UGT1A6: variants seen among roughly 807,000 people sequenced by gnomAD.
UGT1A6 encodes the protein UDP-glucuronosyltransferase 1A6.
UGT1A6 carries 32 observed loss-of-function variants against 44.4 expected under a neutral mutation model. That is an observed-to-expected ratio of 0.72 (90% confidence interval 0.54 to 0.97). UGT1A6 has a LOEUF of 0.97. UGT1A6 is among the 50% of genes least tolerant of loss of function. UGT1A6 has a pLI of 0.00. For synonymous variants in UGT1A6, 238 were observed against 248.5 expected, an observed-to-expected ratio of 0.96 and a Z score of 0.40; for missense variants, 685 against 661.9, an observed-to-expected ratio of 1.03 and a Z score of -0.38.
intron 1 of UGT1A6, chr2:233,747,763 G>A (rs181313522): frequency 8.1e-6 from 13 of 1,613,376 alleles, no homozygotes; most frequent in East Asian, 6.7e-5. Flanking sequence ...GACTTTAAGG[G>A]CACACAGTGT....
chr2:233,715,254 A>G (rs547164013), intron 1 of UGT1A6, among the ~76,000 whole-genome samples: 219 of 152,274 alleles, frequency 1.4e-3, no homozygotes, highest in African/African-American at 5.0e-3. Context: ...CTTTTAAAAA[A>G]TCCCCTTACA....
chr2:233,727,191 G>A (rs764445830), intron 1 of UGT1A6, among the ~76,000 whole-genome samples: 4 of 152,118 alleles, frequency 2.6e-5, no homozygotes, highest in Non-Finnish European at 4.4e-5. Context: ...CTTTGCTGGG[G>A]TGACCTCACT....
intron 1 of UGT1A6, among the ~76,000 whole-genome samples, chr2:233,734,862 C>T (rs1280168224): frequency 6.6e-6 from 1 of 152,224 alleles, no homozygotes; most frequent in Admixed American, 6.5e-5. Flanking sequence ...AATTTGACTG[C>T]ACTATGGTCT....
chr2:233,729,597 C>T (rs375083511), intron 1 of UGT1A6: 44 of 1,613,906 alleles, frequency 2.7e-5, no homozygotes, highest in East Asian at 1.8e-4. Context: ...TTAACCTCTG[C>T]GCGGCAGTGC....
At chr2:233,748,027 A>C in intron 1 of UGT1A6, 1 of 1,613,516 alleles carries the variant, frequency 6.2e-7, no homozygotes, top group Non-Finnish European at 8.5e-7. Flanking sequence ...ATCATGCCCA[A>C]CATGGTCTTC....
At chr2:233,759,132 G>T (rs532304308) in intron 1 of UGT1A6, among the ~76,000 whole-genome samples, 5 of 152,204 alleles carry the variant, frequency 3.3e-5, no homozygotes, top group African/African-American at 9.7e-5. Context: ...CCTCTGGTAC[G>T]CAATGAAGGT....
intron 1 of UGT1A6, chr2:233,748,039 T>C (rs999910080): frequency 2.4e-4 from 393 of 1,613,376 alleles, no homozygotes; most frequent in South Asian, 8.0e-4. Context: ...ATGGTCTTCA[T>C]TGGGGGCATC....
intron 1 of UGT1A6, chr2:233,747,681 T>G (rs1693750357): frequency 1.2e-6 from 2 of 1,608,352 alleles, no homozygotes; most frequent in Admixed American, 1.7e-5. Flanking sequence ...AATTTACCTC[T>G]GTGGGGCAGT....
At position 233,730,729 on chromosome 2, in the gene UGT1A6, C is replaced by T. The variant is rs45468195; in HGVS notation, c.862-36305C>T. ...GAATGCTGAAATTATCAAGAAATGG[C>T]GGAAGGGGCTAGGGAGGAGATAAGA... On this transcript the variant is annotated intron_variant, in intron 1 of 4. Transcript: ENST00000305139. Among the ~76,000 whole-genome samples the T allele has an allele frequency of 9.2e-3, 1,399 of 152,090 alleles. 32 individuals carry two copies. The highest frequency in any genetic ancestry group is 0.032 in the African/African-American group (1,309 of 41,466).
At chr2:233,748,101 C>T in intron 1 of UGT1A6, 2 of 1,612,622 alleles carry the variant, frequency 1.2e-6, no homozygotes, top group Non-Finnish European at 1.7e-6. Flanking sequence ...TGCCTTCATC[C>T]AATCAATGTT....
intron 1 of UGT1A6, among the ~76,000 whole-genome samples, chr2:233,723,516 CTTTTT>C (rs1162916866): frequency 9.4e-5 from 8 of 85,396 alleles, no homozygotes; most frequent in South Asian, 1.1e-3. Context: ...GGTCAACAAT[CTTTTT>C]TTTTTTTTTT....
intron 1 of UGT1A6, among the ~76,000 whole-genome samples, chr2:233,715,085 C>T (rs2076431603): frequency 6.6e-6 from 1 of 152,050 alleles, no homozygotes; most frequent in Non-Finnish European, 1.5e-5. Context: ...GGAGTTTCAT[C>T]ATATTGGCCA....
intron 1 of UGT1A6, among the ~76,000 whole-genome samples, chr2:233,724,799 C>G (rs559235136): frequency 7.2e-6 from 1 of 139,172 alleles, no homozygotes; most frequent in Non-Finnish European, 1.5e-5. Flanking sequence ...GACGGGGTGG[C>G]GGCCGGGCAG....
At chr2:233,761,218 C>G in intron 1 of UGT1A6, 1 of 1,613,694 alleles carries the variant, frequency 6.2e-7, no homozygotes, top group Non-Finnish European at 8.5e-7. Context: ...GATCGATTAA[C>G]TAGCCCCAGA....
rs1264402797 is a variant in UGT1A6 at position 233,693,870 on chromosome 2, G to T, written c.861+5G>T. 2 of 1,614,164 alleles carry T rather than the reference G, an allele frequency of 1.2e-6. No individual in the cohort carries two copies. Among genetic ancestry groups the T allele is most frequent in the East Asian group, 4.5e-5 (2 of 44,884 alleles). On this transcript the variant is annotated splice_donor_5th_base_variant and intron_variant, in intron 1 of 4. Transcript: ENST00000305139. ...AAGAGGAAAGACTTGTCTCAGGTTG[G>T]TGGGTTTATTTCTTTTGGACTGCCT...
At chr2:233,746,305 A>G (rs1693353993) in intron 1 of UGT1A6, among the ~76,000 whole-genome samples, 1 of 151,774 alleles carries the variant, frequency 6.6e-6, no homozygotes, top group Non-Finnish European at 1.5e-5. Context: ...TTTCCCTTGG[A>G]GGGCCCTGTA....
chr2:233,750,918 A>G (rs1308171109), intron 1 of UGT1A6, among the ~76,000 whole-genome samples: 1 of 151,874 alleles, frequency 6.6e-6, no homozygotes, highest in Admixed American at 6.5e-5. Context: ...AGGGTGGTAA[A>G]GAAATGTGAG....
At chr2:233,752,422 T>C (rs1694966934) in intron 1 of UGT1A6, 1 of 152,180 alleles carries the variant, frequency 6.6e-6, no homozygotes, top group Non-Finnish European at 1.5e-5. Context: ...GAAAACCTGA[T>C]TTATCGAACC....
At chr2:233,756,794 A>G (rs1409639482) in intron 1 of UGT1A6, among the ~76,000 whole-genome samples, 1 of 152,086 alleles carries the variant, frequency 6.6e-6, no homozygotes, top group Admixed American at 6.5e-5. Flanking sequence ...GTGGGGCAAT[A>G]CACTAGTAAA....
Sources: gnomAD v4.1 joint callset for allele counts (sites outside exome capture counted in the v4.1 genomes callset) on GRCh38, gnomAD v4.1.1 for gene constraint, MANE v1.5 for transcripts, NCBI Gene and HGNC (gene_info 2026-07-23, HGNC 2026-07-21) for gene names.